Variants in ADAMTS17 observed in about 807,000 individuals in gnomAD.
The protein encoded by ADAMTS17 is ADAM metallopeptidase with thrombospondin type 1 motif 17, also known as A disintegrin and metalloproteinase with thrombospondin motifs 17.
Under a neutral mutation model 141.5 loss-of-function variants are expected in ADAMTS17, and 113 were observed. The ratio of observed to expected loss-of-function variants is 0.80; its 90% CI spans 0.69 to 0.93. The LOEUF (loss-of-function observed/expected upper bound fraction) is 0.93, where lower values mean the gene tolerates loss of function less well. Among genes scored for constraint, ADAMTS17 ranks in the 40% least tolerant of loss-of-function variants. The pLI, the probability that ADAMTS17 is intolerant of heterozygous loss-of-function variation, is 0.00. For missense variants in ADAMTS17, 1,659 were observed against 1,517.9 expected, an observed-to-expected ratio of 1.09 and a Z score of -1.54; for synonymous variants, 768 against 630.6, an observed-to-expected ratio of 1.22 and a Z score of -3.27.
intron 7 of ADAMTS17, among the ~76,000 whole-genome samples, chr15:100,246,768 T>C (rs944027993): frequency 2.6e-5 from 4 of 152,216 alleles, no homozygotes; most frequent in African/African-American, 9.6e-5. Context: ...ATAGCTTTAA[T>C]TTTGCATTTT....
At chr15:100,226,986 A>C (rs2042331056) in intron 7 of ADAMTS17, among the ~76,000 whole-genome samples, 1 of 152,222 alleles carries the variant, frequency 6.6e-6, no homozygotes, top group Admixed American at 6.5e-5. Context: ...CCATCATTTC[A>C]AAAGAGACTA....
intron 12 of ADAMTS17, among the ~76,000 whole-genome samples, chr15:100,121,335 C>T (rs1043422848): frequency 2.6e-5 from 4 of 152,116 alleles, no homozygotes; most frequent in African/African-American, 9.7e-5. Context: ...AAAGATGTGA[C>T]TCTATAAATC....
intron 3 of ADAMTS17, among the ~76,000 whole-genome samples, chr15:100,294,715 A>T (rs902483967): frequency 6.6e-6 from 1 of 152,178 alleles, no homozygotes; most frequent in African/African-American, 2.4e-5. Context: ...TCAAAATACC[A>T]GTTGTAAGAG....
intron 20 of ADAMTS17, among the ~76,000 whole-genome samples, chr15:99,982,882 G>A (rs2060509386): frequency 6.6e-6 from 1 of 152,198 alleles, no homozygotes; most frequent in African/African-American, 2.4e-5. Flanking sequence ...GGCAGCCTCT[G>A]CATCTGTCCA....
chr15:100,331,077 C>G, intron 2 of ADAMTS17, 23 bp from the exon 3 acceptor site: 1 of 1,614,012 alleles, frequency 6.2e-7, no homozygotes, highest in Non-Finnish European at 8.5e-7. Context: ...GAGAAGGAAA[C>G]GCGATGTCGG....
chr15:99,992,151 G>A (rs1261077571), intron 20 of ADAMTS17, among the ~76,000 whole-genome samples: 1 of 151,640 alleles, frequency 6.6e-6, no homozygotes, highest in Non-Finnish European at 1.5e-5. Context: ...TAACAAACCT[G>A]CACTTTCTGC....
chr15:100,264,171 A>G (rs1432847151), intron 4 of ADAMTS17, among the ~76,000 whole-genome samples: 1 of 152,204 alleles, frequency 6.6e-6, no homozygotes, highest in Non-Finnish European at 1.5e-5. Flanking sequence ...CTCAGGAACA[A>G]CTAGCTGTTG....
chr15:100,061,992 G>A (rs1402480931), intron 15 of ADAMTS17, among the ~76,000 whole-genome samples: 1 of 152,228 alleles, frequency 6.6e-6, no homozygotes, highest in African/African-American at 2.4e-5. Flanking sequence ...GTCCTTTGAT[G>A]GGCAGGAGAG....
intron 4 of ADAMTS17, among the ~76,000 whole-genome samples, chr15:100,270,091 T>G (rs1596404847): frequency 6.6e-6 from 1 of 152,184 alleles, no homozygotes. Context: ...ACGGCCAAGG[T>G]GGATCTGCTC....
At chr15:100,262,576 A>G (rs531220153) in intron 4 of ADAMTS17, 141 bp from the exon 5 acceptor site, 17 of 608,596 alleles carry the variant, frequency 2.8e-5, no homozygotes, top group East Asian at 9.5e-5. Context: ...ACTTTAGTTT[A>G]TAACACTGTA....
At chr15:100,204,275 T>C (rs945853517) in intron 7 of ADAMTS17, among the ~76,000 whole-genome samples, 6 of 152,260 alleles carry the variant, frequency 3.9e-5, no homozygotes, top group African/African-American at 1.4e-4. Flanking sequence ...GTGGCCTTGC[T>C]GCCCATTAGT....
chr15:100,220,977 C>T (rs1486899341), intron 7 of ADAMTS17, among the ~76,000 whole-genome samples: 12 of 152,182 alleles, frequency 7.9e-5, no homozygotes, highest in Admixed American at 3.9e-4. Flanking sequence ...TGATTATTCA[C>T]GTACAAGTTT....
intron 10 of ADAMTS17, among the ~76,000 whole-genome samples, chr15:100,149,682 A>G (rs1207993286): frequency 6.6e-6 from 1 of 152,218 alleles, no homozygotes; most frequent in African/African-American, 2.4e-5. Context: ...CAAAAGGGGA[A>G]TAACACAGCA....
chr15:100,176,001 C>T (rs368691376), intron 8 of ADAMTS17, among the ~76,000 whole-genome samples: 2 of 152,206 alleles, frequency 1.3e-5, no homozygotes, highest in Non-Finnish European at 2.9e-5. Context: ...AACCCCTAGA[C>T]CATGGCCTGC....
chr15:100,161,327 C>T (rs765125661), intron 8 of ADAMTS17, among the ~76,000 whole-genome samples: 12 of 152,286 alleles, frequency 7.9e-5, no homozygotes, highest in East Asian at 5.8e-4. Context: ...TCTGACCGTA[C>T]CTGTCTCTCA....
chr15:100,020,482 C>T (rs1370178200), intron 18 of ADAMTS17, among the ~76,000 whole-genome samples: 1 of 152,196 alleles, frequency 6.6e-6, no homozygotes, highest in African/African-American at 2.4e-5. Flanking sequence ...ACAGCTCTGC[C>T]TGAATCCCCA....
chr15:100,076,570 C>A (rs2034393341), intron 15 of ADAMTS17, among the ~76,000 whole-genome samples: 1 of 152,180 alleles, frequency 6.6e-6, no homozygotes, highest in Admixed American at 6.5e-5. Context: ...TCTAATCATA[C>A]TGACTGCTTG....
At chr15:100,006,711 A>C (rs375733454) in intron 18 of ADAMTS17, among the ~76,000 whole-genome samples, 1 of 152,224 alleles carries the variant, frequency 6.6e-6, no homozygotes, top group African/African-American at 2.4e-5. Flanking sequence ...GTATCGACTG[A>C]GTGTCTAATC....
chr15:100,170,709 T>C (rs779818310), intron 8 of ADAMTS17, among the ~76,000 whole-genome samples: 2 of 152,222 alleles, frequency 1.3e-5, no homozygotes, highest in South Asian at 2.1e-4. Flanking sequence ...GAACAGCAAG[T>C]ACTTTTGTTT....
Sources: gnomAD v4.1 joint callset for allele counts (sites outside exome capture counted in the v4.1 genomes callset) on GRCh38, gnomAD v4.1.1 for gene constraint, MANE v1.5 for transcripts, NCBI Gene and HGNC (gene_info 2026-07-23, HGNC 2026-07-21) for gene names.